The following LIPI variants were observed in gnomAD, a reference collection of about 807,000 sequenced individuals.
LIPI encodes lipase I.
LIPI carries 59 observed loss-of-function variants against 50.6 expected under a neutral mutation model. That is an observed-to-expected ratio of 1.16 (90% CI 0.94 to 1.45). The LOEUF (loss-of-function observed/expected upper bound fraction) is 1.45, where lower values mean the gene tolerates loss of function less well. Among genes scored for constraint, LIPI ranks in the 40% most tolerant of loss-of-function variants. The pLI is 0.00. For missense variants in LIPI, 586 were observed against 536.3 expected, an observed-to-expected ratio of 1.09 and a Z score of -0.92; for synonymous variants, 203 against 178.2, an observed-to-expected ratio of 1.14 and a Z score of -1.11.
At chr21:14,178,883 C>G (rs1486442705) in intron 4 of LIPI, among the ~76,000 whole-genome samples, 1 of 152,094 alleles carries the variant, frequency 6.6e-6, no homozygotes, top group Admixed American at 6.6e-5. Context: ...TTGCTTCTGT[C>G]AGATAACTAG....
At chr21:14,123,454 C>CTG (rs1219614040) in intron 9 of LIPI, among the ~76,000 whole-genome samples, 1 of 152,108 alleles carries the variant, frequency 6.6e-6, no homozygotes, top group African/African-American at 2.4e-5. Flanking sequence ...GGACTGGAGC[C>CTG]TGTGTGTTAG....
chr21:14,126,365 A>T lies in LIPI; in HGVS notation c.1296-17285T>A, dbSNP rs927701026. Among the ~76,000 whole-genome samples the T allele has an allele frequency of 1.2e-4, 19 of 152,350 alleles. 2 individuals carry two copies. The highest frequency in any genetic ancestry group is 1.2e-3 in the South Asian group (6 of 4,830). ...ATCTATACAATAGAATACTATTCAT[A>T]ATAACATGCCATTGACATAAGTAAC... On this transcript the variant is annotated intron_variant, in intron 9 of 9. Coordinates refer to ENST00000681601, the MANE Select transcript of LIPI (RefSeq NM_001302998.2).
At chr21:14,144,822 G>T (rs777563917) in intron 8 of LIPI, 23 bp from the exon 9 acceptor site, 5 of 1,466,544 alleles carry the variant, frequency 3.4e-6, no homozygotes, top group South Asian at 1.1e-5. Context: ...TTTGATACAC[G>T]CAGCATATTA....
intron 7 of LIPI, among the ~76,000 whole-genome samples, chr21:14,161,588 C>CTATATATTAATATATAATATACA (rs2018470944): frequency 2.8e-5 from 3 of 108,574 alleles, no homozygotes; most frequent in Non-Finnish European, 5.2e-5. Flanking sequence ...TAATATATAT[C>CTATATATTAATATATAATATACA]TATATAATAT....
chr21:14,185,904 G>C, intron 3 of LIPI, 57 bp downstream of exon 3: 1 of 1,014,250 alleles, frequency 9.9e-7, no homozygotes, highest in Non-Finnish European at 1.5e-6. Context: ...AATTAGCAAA[G>C]TAACTTCTGA....
chr21:14,160,483 TA>T (rs142967909), intron 7 of LIPI, among the ~76,000 whole-genome samples: 7,230 of 150,882 alleles, frequency 0.048, 325 homozygotes, highest in East Asian at 0.22. Flanking sequence ...GCTGGAGCTA[TA>T]AAAAAAACTA....
At position 14,122,449 on chromosome 21, in the gene LIPI, C is replaced by T. The variant is rs560530402; in HGVS notation, c.1296-13369G>A. On this transcript the variant is annotated intron_variant, in intron 9 of 9. Coordinates refer to ENST00000681601, the MANE Select transcript of LIPI (RefSeq NM_001302998.2). ...AACTGGGAAACTCATAAGCAAAACACGGGTATTACCTTATTCACATAAAGA... is the reference window on the plus strand; with the variant it reads ...AACTGGGAAACTCATAAGCAAAACATGGGTATTACCTTATTCACATAAAGA... Among the ~76,000 whole-genome samples the T allele has an allele frequency of 7.5e-4, 114 of 152,276 alleles. 5 individuals are homozygous for T. In the South Asian group the frequency reaches 0.023, roughly 30 times the overall value.
intron 9 of LIPI, among the ~76,000 whole-genome samples, chr21:14,141,857 G>A (rs981327548): frequency 5.9e-5 from 9 of 152,160 alleles, no homozygotes; most frequent in African/African-American, 2.2e-4. Context: ...ATTGTGTGCT[G>A]CCTCTCGACT....
chr21:14,180,658 C>A (rs1344985125), intron 4 of LIPI, among the ~76,000 whole-genome samples: 1 of 152,172 alleles, frequency 6.6e-6, no homozygotes, highest in Non-Finnish European at 1.5e-5. Context: ...GATAATAAGA[C>A]ATGAGAGGTT....
chr21:14,143,487 T>C (rs994011509), intron 9 of LIPI: 1 of 152,170 alleles, frequency 6.6e-6, no homozygotes, highest in South Asian at 2.1e-4. Flanking sequence ...TCATTTATTA[T>C]TTTTATTTTT....
chr21:14,112,120 C>A (rs74666896), intron 9 of LIPI, among the ~76,000 whole-genome samples: 3 of 151,978 alleles, frequency 2.0e-5, no homozygotes, highest in Non-Finnish European at 4.4e-5. Context: ...GCTCTTGGAA[C>A]CTTTGTTGAA....
At chr21:14,153,857 CG>C (rs1321989577) in intron 7 of LIPI, among the ~76,000 whole-genome samples, 14 of 152,010 alleles carry the variant, frequency 9.2e-5, no homozygotes, top group African/African-American at 3.4e-4. Context: ...CTGGGTCTTA[CG>C]TGAAAACATA....
At chr21:14,197,214 T>C (rs1004310097) in intron 1 of LIPI, among the ~76,000 whole-genome samples, 3 of 151,948 alleles carry the variant, frequency 2.0e-5, no homozygotes, top group Non-Finnish European at 2.9e-5. Flanking sequence ...AGAATGCTTT[T>C]TTATTTTATG....
chr21:14,174,168 A>G (rs2019013990), intron 4 of LIPI, among the ~76,000 whole-genome samples: 1 of 152,160 alleles, frequency 6.6e-6, no homozygotes, highest in African/African-American at 2.4e-5. Flanking sequence ...ATCAGGAGGG[A>G]TAAAAGAAAT....
chr21:14,160,875 G>A (rs895702611), intron 7 of LIPI, among the ~76,000 whole-genome samples: 1 of 151,296 alleles, frequency 6.6e-6, no homozygotes, highest in Non-Finnish European at 1.5e-5. Flanking sequence ...AGAAGAAATA[G>A]TCAATATAAT....
At chr21:14,177,609 T>C (rs1267313854) in intron 4 of LIPI, among the ~76,000 whole-genome samples, 1 of 152,116 alleles carries the variant, frequency 6.6e-6, no homozygotes, top group Admixed American at 6.5e-5. Flanking sequence ...TCAACATGAA[T>C]ACTATACTTA....
chr21:14,198,887 A>C (rs2019954011), intron 1 of LIPI, among the ~76,000 whole-genome samples: 1 of 152,138 alleles, frequency 6.6e-6, no homozygotes, highest in African/African-American at 2.4e-5. Flanking sequence ...AAAACAAAAG[A>C]AATGAAATCA....
At chr21:14,203,910 A>C (rs2020149944) in intron 1 of LIPI, among the ~76,000 whole-genome samples, 1 of 152,118 alleles carries the variant, frequency 6.6e-6, no homozygotes, top group Non-Finnish European at 1.5e-5. Context: ...GCAGCCTTAA[A>C]AATGAATGAG....
chr21:14,121,146 C>G (rs1264294669), intron 9 of LIPI, among the ~76,000 whole-genome samples: 1 of 152,148 alleles, frequency 6.6e-6, no homozygotes, highest in Non-Finnish European at 1.5e-5. Flanking sequence ...AGATATTATT[C>G]TTAGATTTAG....
Sources: gnomAD v4.1 joint callset for allele counts (sites outside exome capture counted in the v4.1 genomes callset) on GRCh38, gnomAD v4.1.1 for gene constraint, MANE v1.5 for transcripts, NCBI Gene and HGNC (gene_info 2026-07-23, HGNC 2026-07-21) for gene names.